Variants in MBTPS1 observed in about 807,000 individuals in gnomAD.
The protein encoded by MBTPS1 is membrane bound transcription factor peptidase, site 1, also known as membrane-bound transcription factor site-1 protease.
Under a neutral mutation model 127.8 loss-of-function variants are expected in MBTPS1, and 94 were observed. That is an observed-to-expected ratio of 0.74 (90% CI 0.62 to 0.87). The LOEUF is 0.87. Ranked by LOEUF, MBTPS1 falls within the 40% of genes least tolerant of loss-of-function variation. MBTPS1 has a pLI of 0.00. For synonymous variants in MBTPS1, 632 were observed against 509.4 expected (o/e 1.24, Z -3.24); for missense variants, 1,636 against 1,353.2 (o/e 1.21, Z -3.28).
chr16:84,067,281 C>T (rs2085699825), intron 16 of MBTPS1, among the ~76,000 whole-genome samples: 1 of 152,142 alleles, frequency 6.6e-6, no homozygotes, highest in Admixed American at 6.5e-5. Context: ...AGTACTCATA[C>T]TCAATAAACA....
At chr16:84,087,016 T>G (rs1038018847) in intron 9 of MBTPS1, among the ~76,000 whole-genome samples, 1 of 152,194 alleles carries the variant, frequency 6.6e-6, no homozygotes, top group Non-Finnish European at 1.5e-5. Context: ...TGAGGAGGAC[T>G]GCTTACCACT....
chr16:84,069,489 G>A (rs2085739222), intron 14 of MBTPS1, among the ~76,000 whole-genome samples: 1 of 152,228 alleles, frequency 6.6e-6, no homozygotes, highest in Admixed American at 6.5e-5. Flanking sequence ...AACAGCAGTG[G>A]CACTCAGGAG....
chr16:84,085,691 T>C (rs1290634489), intron 9 of MBTPS1, among the ~76,000 whole-genome samples: 6 of 151,624 alleles, frequency 4.0e-5, no homozygotes, highest in Non-Finnish European at 8.8e-5. Context: ...ACCAGAACAA[T>C]GGCAAAGGCA....
intron 1 of MBTPS1, among the ~76,000 whole-genome samples, chr16:84,112,838 G>A (rs570710430): frequency 1.3e-5 from 2 of 151,506 alleles, no homozygotes; most frequent in Admixed American, 6.6e-5. Context: ...AGCTGGGTGT[G>A]GTGGCACACA....
intron 1 of MBTPS1, among the ~76,000 whole-genome samples, chr16:84,116,024 T>TA (rs1473464326): frequency 1.3e-5 from 2 of 152,082 alleles, no homozygotes; most frequent in Non-Finnish European, 2.9e-5. Flanking sequence ...ACCTTGACGT[T>TA]AGGAGGGCTT....
At position 84,070,656 on chromosome 16, in the gene MBTPS1, CT is replaced by C. The variant is rs1336706156; in HGVS notation, c.1713del (p.Ala572ArgfsTer13). ...TGAGCAATGCCTTCCCAGGAAGCCG[CT>C]TTCTTGGTCACAGAAATGGAGATGG... ...YLAISISVTK[K>X]AASWEGIAQG... On this transcript the variant is annotated frameshift_variant, in exon 13 of 23. Transcript: ENST00000343411. LOFTEE classifies it high-confidence loss of function. 2 of 1,613,938 alleles carry C rather than the reference CT, an allele frequency of 1.2e-6. No homozygotes were observed. Among genetic ancestry groups the C allele is most frequent in the Non-Finnish European group, 1.7e-6 (2 of 1,179,972 alleles).
At position 84,101,890 on chromosome 16, in the gene MBTPS1, T is replaced by TCAGC. The variant is rs1479806786; in HGVS notation, c.-111_-108dup. 1.0e-6 allele frequency: 1 copy of TCAGC among 976,754 alleles called. No individual in the cohort carries two copies. The highest frequency in any genetic ancestry group is 2.5e-5 in the East Asian group (1 of 40,792). The allele number at this position is 976,754 out of a possible 1,614,324, so 60.5% of individuals were successfully genotyped here. A position where few individuals can be genotyped will look rare whatever the true frequency, so the allele number is the denominator to read the frequency against. On this transcript the variant is annotated 5_prime_UTR_variant, in exon 2 of 23. An upstream open reading frame in the 5' UTR gains an earlier in-frame stop. Transcript: ENST00000343411. The stretch of plus-strand genomic sequence containing the variant: ...CAGCTAAAAGCTGCAACATTACTAA[T>TCAGC]CAGCCATCTTACAGTCTTGCCCAAC...
At chr16:84,057,945 T>C (rs139486933) in intron 21 of MBTPS1, 1 of 152,288 alleles carries the variant, frequency 6.6e-6, no homozygotes, top group Non-Finnish European at 1.5e-5. Context: ...AATAATTGGG[T>C]TTCTGGAAAT....
In MBTPS1 at chr16:84,085,021, A is replaced by G. The variant is rs148419917; in HGVS notation, c.1248T>C (p.Ala416=). The G allele has an allele frequency of 6.8e-6, 11 of 1,614,100 alleles. No individual in the cohort carries two copies. Among genetic ancestry groups the G allele is most frequent in the Non-Finnish European group, 9.3e-6 (11 of 1,180,054 alleles). The stretch of plus-strand genomic sequence containing the variant: ...TGACAGCACCTGCAACCACTGGAGA[A>G]GCAACACTGGTCCCTGAGAGGGCCC... ...GCRALSGTSV[A]SPVVAGAVTL... Residue 416 remains alanine, a synonymous_variant, in exon 10 of 23, where the codon GCT becomes GCC. Coordinates refer to ENST00000343411, the MANE Select transcript of MBTPS1 (RefSeq NM_003791.4).
intron 1 of MBTPS1, 23 bp downstream of exon 1, chr16:84,116,712 C>T (rs2086486550): frequency 6.6e-6 from 1 of 152,022 alleles, no homozygotes; most frequent in African/African-American, 2.4e-5. Context: ...GTCGGGGAGG[C>T]CGCGCGCGGG....
chr16:84,087,557 A>G, intron 8 of MBTPS1, 97 bp from the exon 9 acceptor site: 1 of 769,202 alleles, frequency 1.3e-6, no homozygotes. Flanking sequence ...GAATACTCCC[A>G]GAACAATCTA....
At chr16:84,056,270 G>A (rs890827860) in intron 21 of MBTPS1, 135 bp from the exon 22 acceptor site, 10 of 682,652 alleles carry the variant, frequency 1.5e-5, no homozygotes, top group Middle Eastern at 8.2e-4. Context: ...TTGCGTCCAC[G>A]GCCACCTAAA....
intron 5 of MBTPS1, 142 bp from the exon 6 acceptor site, chr16:84,093,439 C>A: frequency 1.5e-6 from 1 of 665,466 alleles, no homozygotes; most frequent in Non-Finnish European, 2.6e-6. Flanking sequence ...CTACGATCCC[C>A]TTAGACGTCA....
chr16:84,112,465 C>T lies in MBTPS1; in HGVS notation c.-325+4270G>A, dbSNP rs375030667. Among the ~76,000 whole-genome samples, 136 of 151,896 alleles carry T rather than the reference C, an allele frequency of 9.0e-4. 4 individuals carry two copies. In the South Asian group the frequency reaches 0.026, roughly 29 times the overall value. On this transcript the variant is annotated intron_variant, in intron 1 of 22. Coordinates refer to ENST00000343411, the MANE Select transcript of MBTPS1 (RefSeq NM_003791.4). Reference sequence around the variant, plus strand: ...ATGAGGTCAGGAGATCGAGACCATCCTGGCTAACACACTGAAACCCCGTTT... The same window carrying T: ...ATGAGGTCAGGAGATCGAGACCATCTTGGCTAACACACTGAAACCCCGTTT...
intron 1 of MBTPS1, among the ~76,000 whole-genome samples, chr16:84,107,317 G>T (rs1330751137): frequency 6.6e-6 from 1 of 152,194 alleles, no homozygotes; most frequent in Non-Finnish European, 1.5e-5. Context: ...CAGCCCACCT[G>T]CTCTAGTCAC....
intron 21 of MBTPS1, 88 bp from the exon 22 acceptor site, chr16:84,056,223 C>T (rs990402477): frequency 2.5e-5 from 28 of 1,129,268 alleles, no homozygotes; most frequent in Middle Eastern, 2.4e-4. Flanking sequence ...AAACTCAAGA[C>T]AGAGCAAGTG....
intron 20 of MBTPS1, 153 bp from the exon 21 acceptor site, chr16:84,059,581 G>C (rs1315235218): frequency 3.2e-6 from 2 of 619,206 alleles, no homozygotes; most frequent in Non-Finnish European, 5.5e-6. Context: ...TGAGCCGCAG[G>C]AGCCACGCCT....
At chr16:84,085,205 T>C (rs2086002980) in intron 9 of MBTPS1, 71 bp from the exon 10 acceptor site, 1 of 1,461,310 alleles carries the variant, frequency 6.8e-7, no homozygotes, top group Non-Finnish European at 9.5e-7. Context: ...CATGAGTGAA[T>C]CAAATCAGAA....
At chr16:84,088,941 C>A (rs935846522) in intron 8 of MBTPS1, among the ~76,000 whole-genome samples, 15 of 152,202 alleles carry the variant, frequency 9.9e-5, no homozygotes, top group Non-Finnish European at 2.2e-4. Flanking sequence ...GGAGATGGGG[C>A]CTTCCTGGCA....
Sources: allele counts gnomAD v4.1 joint callset (sites outside exome capture counted in the v4.1 genomes callset), GRCh38; gene constraint gnomAD v4.1.1; transcripts MANE v1.5; gene names NCBI Gene and HGNC (gene_info 2026-07-23, HGNC 2026-07-21).